IL1RAP: variants seen among roughly 807,000 people sequenced by gnomAD.
IL1RAP encodes interleukin-1 receptor accessory protein.
IL1RAP carries 35 observed loss-of-function variants against 60.7 expected under a neutral mutation model. The observed-to-expected ratio is 0.58, with a 90% CI of 0.44 to 0.76. The LOEUF (loss-of-function observed/expected upper bound fraction) is 0.76. IL1RAP is among the 30% of genes least tolerant of loss of function. The pLI is 0.00. For synonymous variants in IL1RAP, 268 were observed against 250.9 expected, an observed-to-expected ratio of 1.07 and a Z score of -0.64; for missense variants, 572 against 693.9, an observed-to-expected ratio of 0.82 and a Z score of 1.97.
intron 9 of IL1RAP, 131 bp downstream of exon 9, chr3:190,629,629 T>A: frequency 7.1e-7 from 1 of 1,402,934 alleles, no homozygotes; most frequent in South Asian, 1.8e-5. Context: ...TAGTAATGAA[T>A]CAAACTTAAA....
chr3:190,627,549 C>T, intron 8 of IL1RAP, 100 bp downstream of exon 8: 1 of 1,384,622 alleles, frequency 7.2e-7, no homozygotes, highest in Non-Finnish European at 9.5e-7. Flanking sequence ...TCTCATTTTT[C>T]CCTATCACTA....
At chr3:190,586,784 A>T (rs2108695052) in intron 3 of IL1RAP, among the ~76,000 whole-genome samples, 1 of 152,188 alleles carries the variant, frequency 6.6e-6, no homozygotes. Flanking sequence ...GGGTGTTGTG[A>T]GGGAAAGTTA....
chr3:190,586,103 T>C (rs1728431400), intron 3 of IL1RAP, among the ~76,000 whole-genome samples: 1 of 152,188 alleles, frequency 6.6e-6, no homozygotes, highest in African/African-American at 2.4e-5. Flanking sequence ...ATCTCTTCTG[T>C]GAAGGCACCG....
At chr3:190,635,490 A>G (rs1335949779) in intron 9 of IL1RAP, among the ~76,000 whole-genome samples, 2 of 152,088 alleles carry the variant, frequency 1.3e-5, no homozygotes, top group African/African-American at 4.8e-5. Context: ...ATTCTGAGCT[A>G]TGTGTTTTCC....
At chr3:190,632,842 GA>G (rs1480635309) in intron 9 of IL1RAP, among the ~76,000 whole-genome samples, 1 of 152,002 alleles carries the variant, frequency 6.6e-6, no homozygotes, top group Non-Finnish European at 1.5e-5. Flanking sequence ...ATATCATATT[GA>G]AAAATCTTTC....
rs565548649 is a variant in IL1RAP, at chr3:190,628,400, G to T, written c.903-950G>T. On this transcript the variant is annotated intron_variant, in intron 8 of 11. Coordinates refer to ENST00000447382, the MANE Select transcript of IL1RAP (RefSeq NM_002182.4). ...TGTTCCACCTTGCTGCTGTTGAAAC[G>T]TACTCAGTGTTCATAGGATAGCAGT... 5.2e-4 allele frequency among the ~76,000 whole-genome samples: 79 copies of T among 152,250 alleles called. 1 individual carries two copies. Among genetic ancestry groups the T allele is most frequent in the African/African-American group, 1.9e-3 (77 of 41,542 alleles).
At chr3:190,622,694 G>C (rs1351483701) in intron 6 of IL1RAP, among the ~76,000 whole-genome samples, 1 of 152,130 alleles carries the variant, frequency 6.6e-6, no homozygotes, top group Non-Finnish European at 1.5e-5. Context: ...AGATACATAG[G>C]GGGAGTTCTG....
chr3:190,612,362 G>A (rs1560212917), intron 5 of IL1RAP, among the ~76,000 whole-genome samples: 1 of 151,470 alleles, frequency 6.6e-6, no homozygotes, highest in South Asian at 2.1e-4. Context: ...TTTTAATCTC[G>A]AACCTTATTT....
intron 1 of IL1RAP, among the ~76,000 whole-genome samples, chr3:190,523,801 C>G (rs1265667473): frequency 2.0e-5 from 3 of 152,158 alleles, no homozygotes; most frequent in Non-Finnish European, 4.4e-5. Context: ...CATGTCTTTG[C>G]TATTGTGAAT....
intron 5 of IL1RAP, among the ~76,000 whole-genome samples, chr3:190,613,031 A>G (rs1392708846): frequency 6.6e-6 from 1 of 152,238 alleles, no homozygotes; most frequent in Admixed American, 6.5e-5. Flanking sequence ...ATAATTTAAT[A>G]CAAATAACTT....
At chr3:190,593,477 CT>C (rs1201476637) in intron 3 of IL1RAP, among the ~76,000 whole-genome samples, 1 of 152,144 alleles carries the variant, frequency 6.6e-6, no homozygotes, top group Non-Finnish European at 1.5e-5. Context: ...TCTCATACTG[CT>C]AATAAAGACA....
At chr3:190,519,896 T>C (rs1409259328) in intron 1 of IL1RAP, among the ~76,000 whole-genome samples, 1 of 152,192 alleles carries the variant, frequency 6.6e-6, no homozygotes, top group Non-Finnish European at 1.5e-5. Context: ...GTGTCAATCA[T>C]CTTTCTATCT....
Position 190,649,831 on chromosome 3 carries a change from A to T in IL1RAP, c.*1126A>T. 1 of 985,316 alleles carries T rather than the reference A, an allele frequency of 1.0e-6. No homozygotes were observed. Among genetic ancestry groups the T allele is most frequent in the Non-Finnish European group, 1.2e-6 (1 of 829,864 alleles). The allele number at this position is 985,316 out of a possible 1,614,324, so 61.0% of individuals were successfully genotyped here. A position where few individuals can be genotyped will look rare whatever the true frequency, so the allele number is the denominator to read the frequency against. On this transcript the variant is annotated 3_prime_UTR_variant, in exon 12 of 12. Coordinates refer to ENST00000447382, the MANE Select transcript of IL1RAP (RefSeq NM_002182.4). Reference sequence around the variant, plus strand: ...TCAGTATGAGAAGTCACTGTCAATGAAAGTTGTTTTGTTTGTTTTCAGTAA... The same window carrying T: ...TCAGTATGAGAAGTCACTGTCAATGTAAGTTGTTTTGTTTGTTTTCAGTAA...
rs538930329 is a variant in IL1RAP, at chr3:190,647,011, C to T, written c.1345+1169C>T. Among the ~76,000 whole-genome samples the T allele has an allele frequency of 2.6e-5, 4 of 152,318 alleles. No homozygotes were observed. The East Asian group carries it at 7.7e-4, about 29-fold the overall frequency. ...CCATTCAATAAATACTTATCTACCA[C>T]GGAACTGGGTAAGACCCTCCAATAG... On this transcript the variant is annotated intron_variant, in intron 11 of 11. Coordinates refer to ENST00000447382, the MANE Select transcript of IL1RAP (RefSeq NM_002182.4).
chr3:190,533,528 C>T (rs866178822), intron 1 of IL1RAP, among the ~76,000 whole-genome samples: 5 of 152,170 alleles, frequency 3.3e-5, no homozygotes, highest in African/African-American at 1.2e-4. Context: ...AACAACTACT[C>T]GATTTAAGAA....
intron 1 of IL1RAP, among the ~76,000 whole-genome samples, chr3:190,533,724 C>T (rs1182206910): frequency 6.6e-6 from 1 of 151,972 alleles, no homozygotes; most frequent in African/African-American, 2.4e-5. Flanking sequence ...GCTGCCAGCT[C>T]TGGATTTTTG....
At chr3:190,599,106 C>T (rs4687155) in intron 3 of IL1RAP, among the ~76,000 whole-genome samples, 109,414 of 151,964 alleles carry the variant, frequency 0.72, 39,540 homozygotes, top group East Asian at 0.82. Context: ...GTTTCCAATC[C>T]CTACTACCTA....
chr3:190,558,406 T>C (rs554876638), intron 2 of IL1RAP, among the ~76,000 whole-genome samples: 2 of 152,322 alleles, frequency 1.3e-5, no homozygotes, highest in Admixed American at 1.3e-4. Flanking sequence ...TCCACCAGTA[T>C]GAGAGTTCCA....
chr3:190,630,589 G>C (rs191565815), intron 9 of IL1RAP, among the ~76,000 whole-genome samples: 25 of 152,288 alleles, frequency 1.6e-4, no homozygotes, highest in Admixed American at 1.2e-3. Context: ...AATAGCAAAG[G>C]CCTGAAATGT....
Sources: allele counts gnomAD v4.1 joint callset (sites outside exome capture counted in the v4.1 genomes callset), GRCh38; gene constraint gnomAD v4.1.1; transcripts MANE v1.5; gene names NCBI Gene and HGNC (gene_info 2026-07-23, HGNC 2026-07-21).